The following CADM2 variants were observed in gnomAD, a reference collection of about 807,000 sequenced individuals.
CADM2 encodes cell adhesion molecule 2, also known as immunoglobulin superfamily member 4D.
A neutral mutation model predicts 49.8 loss-of-function variants in CADM2; 12 were observed. That is an observed-to-expected ratio of 0.24 (90% CI 0.15 to 0.39). The LOEUF (loss-of-function observed/expected upper bound fraction) is 0.39, where lower values mean the gene tolerates loss of function less well. Among genes scored for constraint, CADM2 ranks in the 10% least tolerant of loss-of-function variants. CADM2 has a pLI of 1.00. For synonymous variants in CADM2, 214 were observed against 175.4 expected (o/e 1.22, Z -1.74); for missense variants, 378 against 492.3 (o/e 0.77, Z 2.20).
chr3:85,248,582 C>T (rs72917132), intron 1 of CADM2, among the ~76,000 whole-genome samples: 10,092 of 152,188 alleles, frequency 0.066, 1,105 homozygotes, highest in African/African-American at 0.23. Flanking sequence ...AGCCTACATA[C>T]ATATTTATTA....
chr3:85,663,257 A>G (rs1417934796), intron 1 of CADM2, among the ~76,000 whole-genome samples: 1 of 152,068 alleles, frequency 6.6e-6, no homozygotes, highest in Non-Finnish European at 1.5e-5. Context: ...TTGAAGTGAA[A>G]TAAAGCTGAA....
chr3:85,212,297 T>G (rs185867995), intron 1 of CADM2, among the ~76,000 whole-genome samples: 3 of 152,280 alleles, frequency 2.0e-5, no homozygotes, highest in Admixed American at 6.5e-5. Flanking sequence ...AGTAAGGACA[T>G]ACTCCTGCCA....
At chr3:85,652,694 T>C (rs1289651428) in intron 1 of CADM2, among the ~76,000 whole-genome samples, 1 of 150,254 alleles carries the variant, frequency 6.7e-6, no homozygotes, top group Non-Finnish European at 1.5e-5. Flanking sequence ...GAGTGAAGGG[T>C]GGTGGAAAGA....
At chr3:85,948,255 GATT>G (rs1245621870) in intron 7 of CADM2, among the ~76,000 whole-genome samples, 3 of 151,458 alleles carry the variant, frequency 2.0e-5, no homozygotes, top group Non-Finnish European at 4.4e-5. Context: ...GAAATACTAT[GATT>G]ATTTATGTAT....
At chr3:85,956,420 C>T (rs986409132) in intron 7 of CADM2, among the ~76,000 whole-genome samples, 1 of 151,636 alleles carries the variant, frequency 6.6e-6, no homozygotes, top group South Asian at 2.1e-4. Context: ...GAAGCTTGAA[C>T]ATTTTAAATA....
At chr3:85,914,401 T>A (rs1233875046) in intron 6 of CADM2, among the ~76,000 whole-genome samples, 1 of 152,128 alleles carries the variant, frequency 6.6e-6, no homozygotes, top group African/African-American at 2.4e-5. Context: ...TGAATAAATG[T>A]CAATTGTCTT....
intron 2 of CADM2, among the ~76,000 whole-genome samples, chr3:85,746,011 A>G (rs1236313279): frequency 3.9e-5 from 6 of 152,228 alleles, no homozygotes; most frequent in African/African-American, 1.4e-4. Flanking sequence ...ACCAGGAAAT[A>G]AAAGAAGATA....
intron 1 of CADM2, among the ~76,000 whole-genome samples, chr3:85,587,722 A>G (rs530299196): frequency 4.7e-4 from 71 of 152,084 alleles, no homozygotes; most frequent in Middle Eastern, 3.4e-3. Context: ...TGTGTCCATA[A>G]AATTATACGA....
rs934666245 is a variant in CADM2, at chr3:85,912,469, C to T, written c.626C>T (p.Ala209Val). Residue 209 changes from alanine to valine, a missense_variant, in exon 6 of 10, where the codon GCG (alanine) becomes GTG (valine). By Grantham distance (64) the Ala-to-Val change is moderately conservative (BLOSUM62 0). Coordinates refer to ENST00000383699, the MANE Select transcript of CADM2 (RefSeq NM_001167675.2). ...FRVDRSDDGV[A>V]VICRVDHESL... ...GTGGACCGGAGTGATGATGGAGTGGCGGTCATCTGCAGAGTAGATCACGAA... is the reference window on the plus strand; with the variant it reads ...GTGGACCGGAGTGATGATGGAGTGGTGGTCATCTGCAGAGTAGATCACGAA... The T allele has an allele frequency of 3.1e-5, 50 of 1,613,910 alleles. No homozygotes were observed. Among genetic ancestry groups the T allele is most frequent in the Non-Finnish European group, 4.2e-5 (50 of 1,179,972 alleles).
At chr3:85,001,215 T>G (rs2033444826) in intron 1 of CADM2, among the ~76,000 whole-genome samples, 1 of 152,088 alleles carries the variant, frequency 6.6e-6, no homozygotes, top group Non-Finnish European at 1.5e-5. Flanking sequence ...CTTTCTCTAT[T>G]TAATTATTCA....
At chr3:85,764,248 G>A (rs1310807261) in intron 2 of CADM2, among the ~76,000 whole-genome samples, 1 of 151,896 alleles carries the variant, frequency 6.6e-6, no homozygotes, top group Non-Finnish European at 1.5e-5. Context: ...AACAGTACAT[G>A]GTGATACACT....
chr3:85,908,789 G>A (rs7620544), intron 5 of CADM2, among the ~76,000 whole-genome samples: 99,202 of 150,496 alleles, frequency 0.66, 33,299 homozygotes, highest in African/African-American at 0.78. Flanking sequence ...CAGGGGCGTG[G>A]TCTCTGCTCA....
intron 8 of CADM2, among the ~76,000 whole-genome samples, chr3:86,042,613 G>A (rs1246297957): frequency 5.9e-5 from 9 of 151,480 alleles, no homozygotes; most frequent in Non-Finnish European, 1.3e-4. Context: ...AAAAAGTCCA[G>A]GACCAGATGG....
chr3:85,549,062 C>T (rs2061735040), intron 1 of CADM2, among the ~76,000 whole-genome samples: 1 of 152,098 alleles, frequency 6.6e-6, no homozygotes. Flanking sequence ...CCTATGAAGC[C>T]AAGTAAGCAT....
Position 85,647,983 on chromosome 3 carries a change from A to G in CADM2, c.62-78539A>G, listed in dbSNP as rs115574261. Among the ~76,000 whole-genome samples the G allele has an allele frequency of 3.2e-3, 484 of 151,936 alleles. 3 individuals are homozygous for G. Among genetic ancestry groups the G allele is most frequent in the African/African-American group, 0.011 (462 of 41,526 alleles). Reference sequence around the variant, plus strand: ...TCTATGTTTCCTCCATTTATTCTGCATTTTTATTAATTTTCTTTCTTTCTT... The same window carrying G: ...TCTATGTTTCCTCCATTTATTCTGCGTTTTTATTAATTTTCTTTCTTTCTT... On this transcript the variant is annotated intron_variant, in intron 1 of 9. Coordinates refer to ENST00000383699, the MANE Select transcript of CADM2 (RefSeq NM_001167675.2).
At chr3:85,506,034 C>A (rs1051489939) in intron 1 of CADM2, among the ~76,000 whole-genome samples, 1 of 152,118 alleles carries the variant, frequency 6.6e-6, no homozygotes, top group African/African-American at 2.4e-5. Flanking sequence ...TTTGATAAGG[C>A]AAAAGACAAT....
chr3:85,450,267 C>T (rs973658308), intron 1 of CADM2, among the ~76,000 whole-genome samples: 2 of 151,994 alleles, frequency 1.3e-5, no homozygotes, highest in African/African-American at 4.8e-5. Flanking sequence ...CCAATAAATA[C>T]ATTTCAACAA....
At chr3:85,300,893 A>G (rs2044081534) in intron 1 of CADM2, among the ~76,000 whole-genome samples, 1 of 152,030 alleles carries the variant, frequency 6.6e-6, no homozygotes, top group Non-Finnish European at 1.5e-5. Flanking sequence ...TGCTAAACAA[A>G]TACATGTATA....
intron 1 of CADM2, among the ~76,000 whole-genome samples, chr3:85,410,518 T>A (rs2035607077): frequency 6.6e-6 from 1 of 152,168 alleles, no homozygotes; most frequent in Non-Finnish European, 1.5e-5. Context: ...TCTTCTATAA[T>A]TTGATATTTT....
Sources: allele counts gnomAD v4.1 joint callset (sites outside exome capture counted in the v4.1 genomes callset), GRCh38; gene constraint gnomAD v4.1.1; transcripts MANE v1.5; gene names NCBI Gene and HGNC (gene_info 2026-07-23, HGNC 2026-07-21).